Variants in NWD1 observed in about 807,000 individuals in gnomAD.
The protein encoded by NWD1 is NACHT domain- and WD repeat-containing protein 1.
Under a neutral mutation model 135.1 loss-of-function variants are expected in NWD1, and 129 were observed. The observed-to-expected ratio is 0.96, with a 90% CI of 0.83 to 1.11. The LOEUF (loss-of-function observed/expected upper bound fraction) is 1.11, where lower values mean the gene tolerates loss of function less well. Among genes scored for constraint, NWD1 ranks in the 50% least tolerant of loss-of-function variants. NWD1 has a pLI of 0.00. For missense variants in NWD1, 1,740 were observed against 1,851.3 expected (o/e 0.94, Z 1.10); for synonymous variants, 773 against 786.0 (o/e 0.98, Z 0.28).
At chr19:16,789,626 A>AT (rs1299332459) in intron 13 of NWD1, among the ~76,000 whole-genome samples, 1 of 146,134 alleles carries the variant, frequency 6.8e-6, no homozygotes, top group Non-Finnish European at 1.5e-5. Flanking sequence ...CCTGTTCTGT[A>AT]TTTTTTTTCT....
chr19:16,755,970 T>A (rs1273589019), intron 6 of NWD1, among the ~76,000 whole-genome samples: 1 of 152,174 alleles, frequency 6.6e-6, no homozygotes, highest in Non-Finnish European at 1.5e-5. Flanking sequence ...AATAGCCTAC[T>A]GTTGACCAGA....
At chr19:16,770,636 G>C (rs577263378) in intron 10 of NWD1, among the ~76,000 whole-genome samples, 1 of 152,000 alleles carries the variant, frequency 6.6e-6, no homozygotes, top group African/African-American at 2.4e-5. Flanking sequence ...ACAGCCCTCA[G>C]TTTTCCCATC....
intron 5 of NWD1, among the ~76,000 whole-genome samples, chr19:16,746,229 GC>G (rs1280286196): frequency 6.6e-6 from 1 of 151,946 alleles, no homozygotes; most frequent in African/African-American, 2.4e-5. Flanking sequence ...GTGTGGTGGT[GC>G]ACACCTGTAG....
intron 15 of NWD1, 51 bp from the exon 16 acceptor site, chr19:16,797,681 C>A: frequency 6.4e-7 from 1 of 1,550,692 alleles, no homozygotes; most frequent in South Asian, 1.2e-5. Flanking sequence ...AGGAATGACC[C>A]TCAATCTCCT....
intron 5 of NWD1, 139 bp from the exon 6 acceptor site, chr19:16,749,000 C>A (rs1400571595): frequency 7.4e-6 from 5 of 671,468 alleles, no homozygotes; most frequent in Non-Finnish European, 1.0e-5. Context: ...TTTCGAGACC[C>A]CCAGGTCAGA....
chr19:16,785,646 A>G lies in NWD1; in HGVS notation c.2732-3336A>G, dbSNP rs533490205. On this transcript the variant is annotated intron_variant, in intron 12 of 18. Transcript: ENST00000524140. ...TATATATATATACACTTATATATAC[A>G]TATTTTAATCTATATTTTTGTGTAT... Among the ~76,000 whole-genome samples the G allele has an allele frequency of 2.7e-5, 4 of 150,496 alleles. 1 individual carries two copies. In the South Asian group the frequency reaches 8.3e-4, roughly 31 times the overall value.
chr19:16,725,587 C>T (rs1373357988), intron 2 of NWD1, among the ~76,000 whole-genome samples: 4 of 152,078 alleles, frequency 2.6e-5, no homozygotes, highest in Non-Finnish European at 4.4e-5. Flanking sequence ...GAGTCTCCCT[C>T]TGTCACTCAG....
intron 10 of NWD1, among the ~76,000 whole-genome samples, chr19:16,767,305 G>C (rs1599494179): frequency 6.6e-6 from 1 of 151,694 alleles, no homozygotes; most frequent in African/African-American, 2.4e-5. Flanking sequence ...GAGAGAGAGG[G>C]AGCAACTGCC....
chr19:16,723,688 G>C (rs1179777526), intron 1 of NWD1, among the ~76,000 whole-genome samples: 7 of 149,206 alleles, frequency 4.7e-5, no homozygotes, highest in Non-Finnish European at 7.4e-5. Flanking sequence ...GTTTTGTTTT[G>C]TTTTGTTTTG....
chr19:16,811,278 T>C (rs1970915438), intron 18 of NWD1, among the ~76,000 whole-genome samples: 1 of 151,934 alleles, frequency 6.6e-6, no homozygotes, highest in African/African-American at 2.4e-5. Context: ...TGAATCCCCA[T>C]CGAAAAAAGA....
In NWD1 at chr19:16,779,471, A is replaced by G. The variant is rs746832189; in HGVS notation, c.2731+6A>G. 1 of 1,612,332 alleles carries G rather than the reference A, an allele frequency of 6.2e-7. No homozygotes were observed. The highest frequency in any genetic ancestry group is 2.2e-5 in the East Asian group (1 of 44,860). ...CATGCTAACTGGACACACAGGTGAG[A>G]CTTGGGAAGTGGGCTTTGTGGTCAG... On this transcript the variant is annotated splice_donor_region_variant and intron_variant, in intron 12 of 18. Transcript: ENST00000524140.
intron 12 of NWD1, among the ~76,000 whole-genome samples, chr19:16,782,394 A>G (rs1389781627): frequency 6.6e-6 from 1 of 151,122 alleles, no homozygotes; most frequent in African/African-American, 2.4e-5. Context: ...TGAGTCCAGG[A>G]GTTGGAGGCT....
chr19:16,799,925 C>T lies in NWD1; in HGVS notation c.3499C>T (p.Leu1167=), dbSNP rs950173956. 1.2e-6 allele frequency: 2 copies of T among 1,613,574 alleles called. No individual in the cohort carries two copies. The highest frequency in any genetic ancestry group is 8.5e-7 in the Non-Finnish European group (1 of 1,179,716). The part of the protein sequence containing the change: ...LSEQGTLLDI[L]EGVGAPVSLL... Reference sequence around the variant, plus strand: ...AGAACAGGGGACCCTTCTGGACATCCTGGAAGGCGTCGGGGCCCCCGTGAG... The same window carrying T: ...AGAACAGGGGACCCTTCTGGACATCTTGGAAGGCGTCGGGGCCCCCGTGAG... Residue 1167 remains leucine (L), a synonymous_variant, in exon 17 of 19, where the codon CTG becomes TTG. Transcript: ENST00000524140.
Position 16,808,378 on chromosome 19 carries a change from C to T in NWD1, c.4287+242C>T, listed in dbSNP as rs550031651. On this transcript the variant is annotated intron_variant, in intron 18 of 18. Transcript: ENST00000524140. ...CAGCCTGGCCAACATGGTGAAACCCCGTCTCTACTAAAAATACAAAAATTA... is the reference window on the plus strand; with the variant it reads ...CAGCCTGGCCAACATGGTGAAACCCTGTCTCTACTAAAAATACAAAAATTA... Among the ~76,000 whole-genome samples, 11 of 151,704 alleles carry T rather than the reference C, an allele frequency of 7.3e-5. No individual in the cohort carries two copies. In the South Asian group the frequency reaches 1.7e-3, roughly 23 times the overall value.
In NWD1 at chr19:16,749,701, G is replaced by A; in HGVS notation, c.1059G>A (p.Lys353=). 2 of 1,602,124 alleles carry A rather than the reference G, an allele frequency of 1.2e-6. No individual in the cohort carries two copies. The highest frequency in any genetic ancestry group is 2.2e-5 in the South Asian group (2 of 89,418). The part of the protein sequence containing the change: ...PGIGKTALMC[K]LAEQMPRLLG... ...TTGGAAAGACAGCCCTGATGTGCAA[G>A]CTGGCTGAGCAGATGCCAAGGCTGC... The change falls in exon 6 of 19, where the codon AAG becomes AAA. Residue 353 remains lysine, a synonymous_variant. Transcript: ENST00000524140.
At chr19:16,780,031 G>A (rs928875430) in intron 12 of NWD1, among the ~76,000 whole-genome samples, 11 of 152,134 alleles carry the variant, frequency 7.2e-5, no homozygotes, top group Non-Finnish European at 1.5e-4. Flanking sequence ...TCTGCAGTCA[G>A]TCAGTGGATT....
At chr19:16,733,520 CAAAAAAA>C in intron 3 of NWD1, among the ~76,000 whole-genome samples, 1 of 133,362 alleles carries the variant, frequency 7.5e-6, no homozygotes, top group South Asian at 2.4e-4. Context: ...GATTCTGTCT[CAAAAAAA>C]AAAAAAAAAT....
At position 16,749,643 on chromosome 19, in the gene NWD1, A is replaced by T. The variant is rs1968478049; in HGVS notation, c.1001A>T (p.His334Leu). Residue 334 changes from histidine to leucine, a missense_variant, in exon 6 of 19, where the codon CAC (histidine) becomes CTC (leucine). Transcript: ENST00000524140. ...QQLRHDDSKQHTPLVLFGPPG... is the reference protein window; with the variant it reads ...QQLRHDDSKQLTPLVLFGPPG... ...CTCAGGCACGATGACAGCAAGCAGC[A>T]CACCCCCCTGGTACTCTTTGGGCCC... The T allele has an allele frequency of 6.2e-7, 1 of 1,608,426 alleles. No homozygotes were observed. Among genetic ancestry groups the T allele is most frequent in the Admixed American group, 1.7e-5 (1 of 59,722 alleles).
intron 5 of NWD1, among the ~76,000 whole-genome samples, chr19:16,748,654 T>C (rs762002039): frequency 1.4e-4 from 21 of 151,892 alleles, no homozygotes; most frequent in Non-Finnish European, 2.9e-4. Flanking sequence ...TAAGACCCCA[T>C]CTCTACAAAA....
Sources: allele counts gnomAD v4.1 joint callset (sites outside exome capture counted in the v4.1 genomes callset), GRCh38; gene constraint gnomAD v4.1.1; transcripts MANE v1.5; gene names NCBI Gene and HGNC (gene_info 2026-07-23, HGNC 2026-07-21).